Variants in SGCD observed in about 807,000 individuals in gnomAD.
SGCD encodes the protein sarcoglycan delta.
Under a neutral mutation model 36.6 loss-of-function variants are expected in SGCD, and 18 were observed. That is an observed-to-expected ratio of 0.49 (90% CI 0.34 to 0.73). SGCD has a LOEUF of 0.73. SGCD is among the 30% of genes least tolerant of loss of function. The pLI is 0.01. For missense variants in SGCD, 387 were observed against 346.7 expected, an observed-to-expected ratio of 1.12 and a Z score of -0.92; for synonymous variants, 133 against 130.6, an observed-to-expected ratio of 1.02 and a Z score of -0.12.
At chr5:155,837,453 C>T in the SGCD span, among the ~76,000 whole-genome samples, 1 of 152,152 alleles carries the variant, frequency 6.6e-6, no homozygotes, top group Non-Finnish European at 1.5e-5. Context: ...TCACTGCGCC[C>T]AGCCTTAAAA....
intron 1 of SGCD, among the ~76,000 whole-genome samples, chr5:156,007,471 T>C (rs1188092496): frequency 6.6e-6 from 1 of 152,204 alleles, no homozygotes; most frequent in African/African-American, 2.4e-5. Context: ...TTGTCTGAAT[T>C]TCCTTCCAGA....
chr5:155,778,788 A>G, the SGCD span, among the ~76,000 whole-genome samples: 9 of 152,170 alleles, frequency 5.9e-5, no homozygotes, highest in Admixed American at 5.9e-4. Context: ...ATTCTGAAAC[A>G]TATTACTAAA....
chr5:155,837,293 G>T, the SGCD span, among the ~76,000 whole-genome samples: 38,339 of 151,846 alleles, frequency 0.25, 5,201 homozygotes, highest in Admixed American at 0.37. Flanking sequence ...GAGTAGCTGG[G>T]ACTGCAGGTG....
intron 3 of SGCD, among the ~76,000 whole-genome samples, chr5:156,389,820 G>A (rs1305188588): frequency 6.6e-6 from 1 of 152,096 alleles, no homozygotes; most frequent in East Asian, 1.9e-4. Flanking sequence ...TTAAATTTCT[G>A]TGCCTCAGTT....
intron 3 of SGCD, among the ~76,000 whole-genome samples, chr5:156,132,072 A>G (rs1407860835): frequency 6.6e-6 from 1 of 152,224 alleles, no homozygotes; most frequent in African/African-American, 2.4e-5. Context: ...CTATATAAGT[A>G]GAAAATCTCT....
At chr5:156,019,346 G>A (rs1336769935) in intron 1 of SGCD, among the ~76,000 whole-genome samples, 1 of 152,066 alleles carries the variant, frequency 6.6e-6, no homozygotes, top group Non-Finnish European at 1.5e-5. Context: ...ATATTAATTT[G>A]AGTTTTCCCT....
At chr5:156,734,310 C>CT (rs56775098) in intron 7 of SGCD, among the ~76,000 whole-genome samples, 85 of 147,978 alleles carry the variant, frequency 5.7e-4, no homozygotes, top group Non-Finnish European at 9.9e-4. Context: ...CTGCCTTTAA[C>CT]TTTTTTTTTT....
intron 1 of SGCD, among the ~76,000 whole-genome samples, chr5:156,062,178 C>A (rs1410920550): frequency 1.2e-5 from 1 of 84,356 alleles, no homozygotes; most frequent in African/African-American, 9.2e-5. Context: ...TGAGAATATG[C>A]GGTGTTTGGT....
chr5:156,323,019 AC>A (rs909099515), upstream of SGCD, among the ~76,000 whole-genome samples: 3 of 152,262 alleles, frequency 2.0e-5, no homozygotes, highest in Non-Finnish European at 4.4e-5. Flanking sequence ...CTGGGGTGGG[AC>A]CCTGGCTCTA....
intron 3 of SGCD, among the ~76,000 whole-genome samples, chr5:156,308,059 T>G (rs1396133704): frequency 6.6e-6 from 1 of 152,208 alleles, no homozygotes; most frequent in Non-Finnish European, 1.5e-5. Flanking sequence ...CTAATTTCCC[T>G]TGTATTTACC....
chr5:155,801,143 C>T, the SGCD span, among the ~76,000 whole-genome samples: 2 of 152,086 alleles, frequency 1.3e-5, no homozygotes, highest in South Asian at 2.1e-4. Flanking sequence ...GGAGGGTAGG[C>T]GTTTTTCTCT....
intron 1 of SGCD, among the ~76,000 whole-genome samples, chr5:155,916,524 G>T (rs1192358794): frequency 1.3e-5 from 2 of 152,140 alleles, no homozygotes; most frequent in African/African-American, 4.8e-5. Flanking sequence ...TGTGAAGGGG[G>T]TCATTGTCCC....
At chr5:156,257,164 A>AAAATAAATAAATAAATAAAT (rs71577192) in intron 3 of SGCD, among the ~76,000 whole-genome samples, 28 of 148,058 alleles carry the variant, frequency 1.9e-4, no homozygotes, top group African/African-American at 7.0e-4. Context: ...CCCTGTCTTC[A>AAAATAAATAAATAAATAAAT]AAATAAATAA....
intron 2 of SGCD, among the ~76,000 whole-genome samples, chr5:156,120,335 C>A (rs1353959458): frequency 6.6e-6 from 1 of 152,068 alleles, no homozygotes; most frequent in Non-Finnish European, 1.5e-5. Flanking sequence ...CTCTCTCTAT[C>A]AAGCAGAAAT....
intron 4 of SGCD, among the ~76,000 whole-genome samples, chr5:156,511,720 T>C (rs78527211): frequency 0.027 from 4,063 of 152,332 alleles, 69 homozygotes; most frequent in Middle Eastern, 0.044. Flanking sequence ...CACATTCTTA[T>C]CATGTTTATA....
intron 3 of SGCD, among the ~76,000 whole-genome samples, chr5:156,423,320 A>ATATTGTAT (rs1491318963): frequency 1.2e-4 from 1 of 8,056 alleles, no homozygotes; most frequent in African/African-American, 3.1e-4. Context: ...TTATAATATA[A>ATATTGTAT]TATATTTTAT....
chr5:156,146,873 T>C (rs1762719900), intron 3 of SGCD, among the ~76,000 whole-genome samples: 1 of 152,210 alleles, frequency 6.6e-6, no homozygotes, highest in Non-Finnish European at 1.5e-5. Context: ...TCCCCATTTA[T>C]GTGTAATATT....
intron 3 of SGCD, among the ~76,000 whole-genome samples, chr5:156,126,767 G>C (rs1762181666): frequency 6.6e-6 from 1 of 152,152 alleles, no homozygotes; most frequent in African/African-American, 2.4e-5. Context: ...TTCCAATAAA[G>C]CTCCTGTATG....
chr5:156,370,134 A>T (rs1770303942), intron 3 of SGCD, among the ~76,000 whole-genome samples: 2 of 152,200 alleles, frequency 1.3e-5, no homozygotes, highest in African/African-American at 4.8e-5. Flanking sequence ...AAGGTCGCAG[A>T]TTCTGCTCAG....
Sources: gnomAD v4.1 joint callset for allele counts (sites outside exome capture counted in the v4.1 genomes callset) on GRCh38, gnomAD v4.1.1 for gene constraint, MANE v1.5 for transcripts, NCBI Gene and HGNC (gene_info 2026-07-23, HGNC 2026-07-21) for gene names.